GCDH: variants seen among roughly 807,000 people sequenced by gnomAD.
GCDH encodes the protein glutaryl-CoA dehydrogenase, also known as glutaryl-CoA dehydrogenase, mitochondrial.
In GCDH, 31 loss-of-function variants were observed where a neutral mutation model predicts 52.8. The observed-to-expected ratio is 0.59, with a 90% CI of 0.44 to 0.79. GCDH has a LOEUF of 0.79. Among genes scored for constraint, GCDH ranks in the 30% least tolerant of loss-of-function variants. The probability of loss-of-function intolerance (pLI) is 0.00; values close to 1 mark genes in which losing one functional copy is unlikely to be tolerated. For synonymous variants in GCDH, 242 were observed against 250.0 expected (o/e 0.97, Z 0.30); for missense variants, 509 against 595.0 (o/e 0.86, Z 1.50).
Position 12,899,681 on chromosome 19 carries a change from C to T in GCDH, c.*140C>T, listed in dbSNP as rs1424913058. 1 of 1,612,106 alleles carries T rather than the reference C, an allele frequency of 6.2e-7. No individual in the cohort carries two copies. Among genetic ancestry groups the T allele is most frequent in the South Asian group, 1.1e-5 (1 of 90,262 alleles). ...GTGAGAGACACTGATTTTTAAATAT[C>T]AAAATTTCCCTTCTGAAGTCGTTCA... On this transcript the variant is annotated 3_prime_UTR_variant, in exon 12 of 12. Coordinates refer to ENST00000222214, the MANE Select transcript of GCDH (RefSeq NM_000159.4).
rs570181894 is a variant in GCDH at position 12,893,442 on chromosome 19, C to T, written c.335-41C>T. 11 of 1,576,700 alleles carry T rather than the reference C, an allele frequency of 7.0e-6. No individual in the cohort carries two copies. The East Asian group carries it at 2.5e-4, about 35-fold the overall frequency. On this transcript the variant is annotated intron_variant, in intron 5 of 11. Transcript: ENST00000222214. Reference sequence around the variant, plus strand: ...TCTTGGGTCTTAGCTGGGCAGGGCCCTGTTCTCTATTGTCCTGCTTTCCCC... The same window carrying T: ...TCTTGGGTCTTAGCTGGGCAGGGCCTTGTTCTCTATTGTCCTGCTTTCCCC...
intron 11 of GCDH, 50 bp downstream of exon 11, chr19:12,897,913 G>T (rs779873051): frequency 2.6e-6 from 4 of 1,528,514 alleles, no homozygotes; most frequent in Non-Finnish European, 3.6e-6. Context: ...GTCTGGGGAG[G>T]GGGTACAGGG....
intron 9 of GCDH, 42 bp downstream of exon 9, chr19:12,897,055 A>G: frequency 6.6e-7 from 1 of 1,516,214 alleles, no homozygotes; most frequent in South Asian, 1.1e-5. Context: ...GGTGTGGGGC[A>G]GCTTGGGTTT....
At chr19:12,894,937 G>T in intron 6 of GCDH, 1 of 390,510 alleles carries the variant, frequency 2.6e-6, no homozygotes, top group Non-Finnish European at 4.7e-6. Context: ...AACCCACAAG[G>T]CCCTGTGTGA....
intron 6 of GCDH, chr19:12,894,857 A>G: frequency 1.9e-6 from 1 of 535,368 alleles, no homozygotes; most frequent in Non-Finnish European, 3.2e-6. Flanking sequence ...TTCCACTTCT[A>G]AGTCTGAATC....
chr19:12,896,060 G>A lies in GCDH; in HGVS notation c.574G>A (p.Glu192Lys). The change falls in exon 7 of 12, where the codon GAG (glutamate) becomes AAG (lysine). Residue 192 changes from glutamate (E) to lysine (K), a missense_variant. Transcript: ENST00000222214. This position sits in a 1 kb window ranked among gnomAD's most constrained non-coding sequence, Gnocchi z 5.5. Reference protein sequence around the residue: ...PNSGSDPSSMETRAHYNSSNK... With the variant: ...PNSGSDPSSMKTRAHYNSSNK... ...CAGCGGAAGTGACCCCAGCAGCATG[G>A]AGACCAGAGCCCACTACAACTCATC... 1 of 1,614,114 alleles carries A rather than the reference G, an allele frequency of 6.2e-7. No homozygotes were observed. Among genetic ancestry groups the A allele is most frequent in the Non-Finnish European group, 8.5e-7 (1 of 1,180,018 alleles).
chr19:12,894,016 C>T (rs978387761), intron 6 of GCDH: 53 of 589,050 alleles, frequency 9.0e-5, no homozygotes, highest in Admixed American at 1.8e-4. Flanking sequence ...GCCTGGGCAA[C>T]GTAAGGAGAC....
intron 3 of GCDH, 80 bp from the exon 4 acceptor site, chr19:12,891,751 G>C: frequency 2.5e-6 from 4 of 1,608,850 alleles, no homozygotes; most frequent in Admixed American, 1.7e-5. Context: ...ATGGGTGTTG[G>C]GGGGTAGGGC....
intron 5 of GCDH, among the ~76,000 whole-genome samples, chr19:12,893,191 T>G (rs891247395): frequency 3.9e-5 from 6 of 152,132 alleles, no homozygotes; most frequent in African/African-American, 1.4e-4. Flanking sequence ...CTGGCCCCTT[T>G]GTTTCTTTTT....
intron 6 of GCDH, chr19:12,894,629 G>A: frequency 1.4e-6 from 1 of 717,194 alleles, no homozygotes; most frequent in African/African-American, 1.8e-5. Flanking sequence ...AAACAAAGAA[G>A]GTAAGAAACC....
intron 6 of GCDH, 126 bp from the exon 7 acceptor site, chr19:12,895,866 T>A (rs1970662280): frequency 1.8e-6 from 2 of 1,127,648 alleles, no homozygotes; most frequent in African/African-American, 3.0e-5. Context: ...TTGATCCACC[T>A]GCCTTGGCCT....
intron 6 of GCDH, among the ~76,000 whole-genome samples, chr19:12,895,650 TG>T (rs1377190287): frequency 1.3e-5 from 2 of 150,724 alleles, no homozygotes; most frequent in African/African-American, 4.9e-5. Flanking sequence ...CTTGCTCTGT[TG>T]CCCAGGCTGT....
intron 6 of GCDH, chr19:12,894,363 G>A: frequency 2.6e-6 from 2 of 764,456 alleles, no homozygotes; most frequent in Non-Finnish European, 4.9e-6. Context: ...ACTTGCTACT[G>A]AGTAAGGGGC....
chr19:12,899,568 T>C lies in GCDH; in HGVS notation c.*27T>C. The C allele has an allele frequency of 1.2e-6, 2 of 1,614,012 alleles. No homozygotes were observed. The highest frequency in any genetic ancestry group is 1.1e-5 in the South Asian group (1 of 91,070). ...CCGCTCCATCAGGGGCCCGAAACTC[T>C]CAAGCCCCTTTCTGGAGAGATGCCT... On this transcript the variant is annotated 3_prime_UTR_variant, in exon 12 of 12. Coordinates refer to ENST00000222214, the MANE Select transcript of GCDH (RefSeq NM_000159.4).
At chr19:12,899,233 A>T in intron 11 of GCDH, 1 of 1,031,122 alleles carries the variant, frequency 9.7e-7, no homozygotes, top group Non-Finnish European at 1.5e-6. Flanking sequence ...TTTTTCTGCC[A>T]AGATGCATTA....
At chr19:12,892,292 T>G in intron 5 of GCDH, 114 bp downstream of exon 5, 1 of 973,682 alleles carries the variant, frequency 1.0e-6, no homozygotes, top group Non-Finnish European at 1.6e-6. Context: ...TTCCTTTTCT[T>G]TCCTTTCTTC....
Position 12,899,875 on chromosome 19 carries a change from C to G in GCDH, c.*334C>G, listed in dbSNP as rs1014594737. The G allele has an allele frequency of 3.8e-6, 6 of 1,590,266 alleles. No homozygotes were observed. The African/African-American group carries it at 4.0e-5, about 11-fold the overall frequency. ...AGCTGACCCCCTCACACTGAGTTCA[C>G]AGTGCGCCCTCCCTCCCTCCCATCT... On this transcript the variant is annotated 3_prime_UTR_variant, in exon 12 of 12. Coordinates refer to ENST00000222214, the MANE Select transcript of GCDH (RefSeq NM_000159.4).
chr19:12,899,396 A>C (rs770370531), intron 11 of GCDH, 72 bp from the exon 12 acceptor site: 3 of 1,614,018 alleles, frequency 1.9e-6, no homozygotes, highest in Admixed American at 1.7e-5. Flanking sequence ...CTGGGGATAC[A>C]TGAAAATTGA....
rs146363703 is a variant in GCDH at position 12,897,712 on chromosome 19, C to T, written c.1092C>T (p.Pro364=). The change falls in exon 11 of 12, where the codon CCC becomes CCT. Residue 364 remains proline (P), a synonymous_variant. Coordinates refer to ENST00000222214, the MANE Select transcript of GCDH (RefSeq NM_000159.4). ...CATGTGCCACTCCCAGGGCTGCCCC[C>T]GAGATGGTTTCTCTGCTGAAGAGGA... ...GRLKDQDKAA[P]EMVSLLKRNN... 75 of 1,614,118 alleles carry T rather than the reference C, an allele frequency of 4.6e-5. No individual in the cohort carries two copies. In the Middle Eastern group the frequency reaches 4.9e-4, roughly 11 times the overall value.
Sources: allele counts gnomAD v4.1 joint callset (sites outside exome capture counted in the v4.1 genomes callset), GRCh38; gene constraint gnomAD v4.1.1; non-coding constraint Gnocchi (gnomAD v3.1); transcripts MANE v1.5; gene names NCBI Gene and HGNC (gene_info 2026-07-23, HGNC 2026-07-21).